NRG3: variants seen among roughly 807,000 people sequenced by gnomAD.
NRG3 encodes neuregulin 3.
Under a neutral mutation model 66.9 loss-of-function variants are expected in NRG3, and 31 were observed. The observed-to-expected ratio is 0.46, with a 90% CI of 0.35 to 0.63. NRG3 has a LOEUF of 0.63. Among genes scored for constraint, NRG3 ranks in the 20% least tolerant of loss-of-function variants. The pLI is 0.00. For missense variants in NRG3, 910 were observed against 878.9 expected, an observed-to-expected ratio of 1.04 and a Z score of -0.45; for synonymous variants, 393 against 359.4, an observed-to-expected ratio of 1.09 and a Z score of -1.06.
intron 1 of NRG3, among the ~76,000 whole-genome samples, chr10:82,005,772 G>C (rs1244379098): frequency 1.3e-5 from 2 of 152,124 alleles, no homozygotes; most frequent in East Asian, 3.9e-4. Context: ...AGCATGTTGT[G>C]CTGATTCACT....
intron 1 of NRG3, among the ~76,000 whole-genome samples, chr10:81,996,706 A>G (rs368097272): frequency 1.3e-5 from 2 of 151,834 alleles, no homozygotes; most frequent in East Asian, 3.9e-4. Flanking sequence ...GGCAGGAGAG[A>G]AAAGAAAGGG....
intron 2 of NRG3, among the ~76,000 whole-genome samples, chr10:82,459,591 T>C (rs975561342): frequency 6.6e-6 from 1 of 152,220 alleles, no homozygotes; most frequent in African/African-American, 2.4e-5. Context: ...ACAGTGCTGC[T>C]CTGTCCTGTG....
At chr10:82,067,117 T>C (rs567591516) in intron 1 of NRG3, among the ~76,000 whole-genome samples, 45 of 152,292 alleles carry the variant, frequency 3.0e-4, no homozygotes, top group African/African-American at 1.0e-3. Context: ...ATGGCAAATA[T>C]AACAAACCCC....
rs367831182 is a variant in NRG3 at position 82,985,553 on chromosome 10, C to T, written c.2039C>T (p.Ala680Val). ...CCCACAGCCAAATCAGAACGAGAGG[C>T]GCAATTTGTCTTAAGAAATGAAATA... ...LSPTAKSERE[A>V]QFVLRNEIQR... Residue 680 changes from alanine (A) to valine (V), a missense_variant, in exon 9 of 9, where the codon GCG becomes GTG. Ala to Val is a moderately conservative substitution (Grantham distance 64). Coordinates refer to ENST00000372141, the MANE Select transcript of NRG3 (RefSeq NM_001010848.4). The T allele has an allele frequency of 3.2e-4, 524 of 1,613,648 alleles. No individual in the cohort carries two copies. The highest frequency in any genetic ancestry group is 4.1e-4 in the Non-Finnish European group (489 of 1,179,998).
At chr10:82,960,404 A>C (rs1357391547) in intron 6 of NRG3, among the ~76,000 whole-genome samples, 1 of 152,178 alleles carries the variant, frequency 6.6e-6, no homozygotes, top group African/African-American at 2.4e-5. Flanking sequence ...ATAGATTCTA[A>C]TCAGTAACAT....
intron 1 of NRG3, among the ~76,000 whole-genome samples, chr10:82,285,560 A>G (rs1018532752): frequency 6.6e-5 from 10 of 152,326 alleles, no homozygotes; most frequent in African/African-American, 2.4e-4. Context: ...TGGAAGGGAT[A>G]GGTATTATTT....
At chr10:82,183,900 T>C (rs778533333) in intron 1 of NRG3, among the ~76,000 whole-genome samples, 1 of 152,152 alleles carries the variant, frequency 6.6e-6, no homozygotes, top group Non-Finnish European at 1.5e-5. Flanking sequence ...ATCTAAGGGC[T>C]GAGGTTCCTT....
chr10:81,913,100 A>G lies in NRG3; in HGVS notation c.823+36937A>G, dbSNP rs558368836. On this transcript the variant is annotated intron_variant, in intron 1 of 8. Transcript: ENST00000372141. ...ACCATTGGGGAAAAAAAGTCAGATT[A>G]TACGTATAAAACAATGAAGAGGCTG... 5.3e-5 allele frequency among the ~76,000 whole-genome samples: 8 copies of G among 152,244 alleles called. No individual in the cohort carries two copies. In the South Asian group the frequency reaches 8.3e-4, roughly 16 times the overall value.
At chr10:82,167,688 A>G (rs2072201850) in intron 1 of NRG3, among the ~76,000 whole-genome samples, 1 of 152,056 alleles carries the variant, frequency 6.6e-6, no homozygotes, top group African/African-American at 2.4e-5. Context: ...TGGGTTTATC[A>G]TTGTTTAAAC....
At chr10:82,602,278 C>T (rs1177594857) in intron 2 of NRG3, among the ~76,000 whole-genome samples, 1 of 152,014 alleles carries the variant, frequency 6.6e-6, no homozygotes, top group Non-Finnish European at 1.5e-5. Flanking sequence ...GATTCTATGC[C>T]TGCATTCTTG....
chr10:82,345,317 G>A (rs184979314), intron 1 of NRG3, among the ~76,000 whole-genome samples: 1,662 of 144,916 alleles, frequency 0.011, 51 homozygotes, highest in African/African-American at 0.044. Flanking sequence ...TTATTAAATA[G>A]GGAATCCTTT....
At chr10:82,126,073 C>T (rs763757873) in intron 1 of NRG3, among the ~76,000 whole-genome samples, 25 of 151,928 alleles carry the variant, frequency 1.6e-4, no homozygotes, top group Non-Finnish European at 2.9e-4. Flanking sequence ...CCAGGACTAT[C>T]GCCATAGAAA....
chr10:82,619,049 G>A (rs1309923278), intron 2 of NRG3, among the ~76,000 whole-genome samples: 1 of 151,860 alleles, frequency 6.6e-6, no homozygotes, highest in African/African-American at 2.4e-5. Context: ...GTGGAGGTTT[G>A]GCATTACCAT....
rs997625951 is a variant in NRG3, at chr10:82,842,998, T to A, written c.1028-22413T>A. ...TGATAAGATAGAATAATTATAACAA[T>A]ATACTGTACTAGACACTATGTGAAG... On this transcript the variant is annotated intron_variant, in intron 3 of 8. Transcript: ENST00000372141. Among the ~76,000 whole-genome samples the A allele has an allele frequency of 2.6e-5, 4 of 152,350 alleles. No individual in the cohort carries two copies. In the East Asian group the frequency reaches 7.7e-4, roughly 29 times the overall value.
intron 3 of NRG3, among the ~76,000 whole-genome samples, chr10:82,765,744 G>T (rs1270322102): frequency 2.6e-5 from 4 of 152,110 alleles, no homozygotes; most frequent in Admixed American, 2.0e-4. Context: ...TAATAATGTG[G>T]TATGCATATA....
At chr10:81,998,329 C>G (rs1192327800) in intron 1 of NRG3, among the ~76,000 whole-genome samples, 3 of 152,254 alleles carry the variant, frequency 2.0e-5, no homozygotes, top group African/African-American at 7.2e-5. Context: ...AGACATGTTT[C>G]TCTATATGAC....
chr10:82,037,917 C>T (rs2062860854), intron 1 of NRG3, among the ~76,000 whole-genome samples: 1 of 151,464 alleles, frequency 6.6e-6, no homozygotes, highest in African/African-American at 2.4e-5. Flanking sequence ...CTGTGGCATA[C>T]AGAAGGTGCT....
chr10:82,702,954 C>T (rs909600304), intron 2 of NRG3, among the ~76,000 whole-genome samples: 1 of 142,068 alleles, frequency 7.0e-6, no homozygotes, highest in Non-Finnish European at 1.5e-5. Flanking sequence ...GTTCAGACTC[C>T]ACTGTTTCTG....
intron 2 of NRG3, among the ~76,000 whole-genome samples, chr10:82,415,902 A>T (rs766725123): frequency 4.6e-5 from 7 of 152,152 alleles, no homozygotes; most frequent in Non-Finnish European, 1.0e-4. Flanking sequence ...TTAAATATAG[A>T]ACTACTTTTC....
Sources: gnomAD v4.1 joint callset for allele counts (sites outside exome capture counted in the v4.1 genomes callset) on GRCh38, gnomAD v4.1.1 for gene constraint, MANE v1.5 for transcripts, NCBI Gene and HGNC (gene_info 2026-07-23, HGNC 2026-07-21) for gene names.